CLNK: variants seen among roughly 807,000 people sequenced by gnomAD.
CLNK encodes the protein cytokine dependent hematopoietic cell linker.
In CLNK, 74 loss-of-function variants were observed where a neutral mutation model predicts 68.6. The observed-to-expected ratio is 1.08, with a 90% CI of 0.89 to 1.31. The LOEUF is 1.31. Ranked by LOEUF, CLNK falls within the 50% of genes most tolerant of loss-of-function variation. CLNK has a pLI of 0.00. For missense variants in CLNK, 553 were observed against 515.3 expected, an observed-to-expected ratio of 1.07 and a Z score of -0.71; for synonymous variants, 198 against 172.2, an observed-to-expected ratio of 1.15 and a Z score of -1.17.
chr4:10,536,323 T>A (rs1718759128), intron 11 of CLNK, among the ~76,000 whole-genome samples: 1 of 152,232 alleles, frequency 6.6e-6, no homozygotes, highest in Admixed American at 6.5e-5. Flanking sequence ...TGATTGCCAA[T>A]GTTCCTTCTG....
chr4:10,589,017 C>A (rs1721086423), intron 3 of CLNK, among the ~76,000 whole-genome samples: 1 of 152,134 alleles, frequency 6.6e-6, no homozygotes, highest in East Asian at 1.9e-4. Context: ...TACTGGACAG[C>A]ATAGTGCCTA....
intron 1 of CLNK, among the ~76,000 whole-genome samples, chr4:10,676,267 T>C (rs139885186): frequency 1.1e-4 from 17 of 152,258 alleles, no homozygotes; most frequent in Admixed American, 3.3e-4. Context: ...TATATGCTGA[T>C]TGGATTTCTA....
At chr4:10,512,349 G>C (rs889540880) in intron 16 of CLNK, among the ~76,000 whole-genome samples, 1 of 151,634 alleles carries the variant, frequency 6.6e-6, no homozygotes, top group Non-Finnish European at 1.5e-5. Flanking sequence ...TTCTGCCTCA[G>C]CCTCCCAAGT....
At chr4:10,698,198 G>A in the CLNK span, among the ~76,000 whole-genome samples, 1 of 152,090 alleles carries the variant, frequency 6.6e-6, no homozygotes, top group African/African-American at 2.4e-5. Flanking sequence ...TGAGAGTGGT[G>A]TCATTGGTGG....
chr4:10,662,184 C>T (rs1313901604), intron 2 of CLNK, among the ~76,000 whole-genome samples: 1 of 152,190 alleles, frequency 6.6e-6, no homozygotes, highest in South Asian at 2.1e-4. Context: ...TGCTCTAATA[C>T]TCCTAGAGTA....
At chr4:10,560,283 G>A (rs755420999) in intron 7 of CLNK, among the ~76,000 whole-genome samples, 2 of 152,220 alleles carry the variant, frequency 1.3e-5, no homozygotes, top group Non-Finnish European at 2.9e-5. Flanking sequence ...TAAGCACAGA[G>A]CTTGGTACAC....
At chr4:10,588,626 A>C (rs1721071346) in intron 3 of CLNK, among the ~76,000 whole-genome samples, 1 of 152,168 alleles carries the variant, frequency 6.6e-6, no homozygotes. Flanking sequence ...ATTCATTTTC[A>C]CAATTTTTAG....
intron 2 of CLNK, among the ~76,000 whole-genome samples, chr4:10,662,578 G>A (rs2108889718): frequency 6.6e-6 from 1 of 152,004 alleles, no homozygotes; most frequent in East Asian, 1.9e-4. Flanking sequence ...GTGGAGAAGG[G>A]GTGAGAAACC....
At chr4:10,637,284 C>T (rs1473189867) in intron 2 of CLNK, among the ~76,000 whole-genome samples, 1 of 152,150 alleles carries the variant, frequency 6.6e-6, no homozygotes, top group Non-Finnish European at 1.5e-5. Context: ...TCTCCATCTC[C>T]AGCCTCAGAT....
intron 8 of CLNK, among the ~76,000 whole-genome samples, chr4:10,554,988 T>A (rs1719606455): frequency 6.6e-6 from 1 of 152,232 alleles, no homozygotes; most frequent in Non-Finnish European, 1.5e-5. Context: ...TGTGACTACT[T>A]GCTGATGGCC....
In CLNK at chr4:10,489,248, A is replaced by G. The variant is rs1716464747; in HGVS notation, c.*1219T>C. 6.6e-6 allele frequency: 1 copy of G among 152,234 alleles called. No individual in the cohort carries two copies. Among genetic ancestry groups the G allele is most frequent in the Admixed American group, 6.5e-5 (1 of 15,280 alleles). The allele number at this position is 152,234 out of a possible 1,614,324, so 9.4% of individuals were successfully genotyped here. ...TGTTTCCTCATCTTTATTGTAAAAC[A>G]ATAATAAAATTAAATCCTCTTAACC... On this transcript the variant is annotated 3_prime_UTR_variant, in exon 19 of 19. Coordinates refer to ENST00000226951, the MANE Select transcript of CLNK (RefSeq NM_052964.4).
intron 5 of CLNK, 84 bp from the exon 6 acceptor site, chr4:10,566,234 G>A: frequency 7.5e-7 from 1 of 1,332,636 alleles, no homozygotes; most frequent in East Asian, 2.3e-5. Context: ...AGAGAAATGG[G>A]GTAGACCTTC....
intron 4 of CLNK, among the ~76,000 whole-genome samples, chr4:10,572,763 A>C (rs1284369452): frequency 6.6e-6 from 1 of 152,174 alleles, no homozygotes; most frequent in African/African-American, 2.4e-5. Context: ...GAGGACCACG[A>C]TGTGATAAGC....
intron 2 of CLNK, among the ~76,000 whole-genome samples, chr4:10,599,980 G>A (rs1577157914): frequency 6.6e-6 from 1 of 152,272 alleles, no homozygotes; most frequent in South Asian, 2.1e-4. Context: ...ACCTCCTTGA[G>A]AATCCTCATC....
chr4:10,561,950 A>T (rs1389114266), intron 7 of CLNK, among the ~76,000 whole-genome samples: 1 of 152,192 alleles, frequency 6.6e-6, no homozygotes, highest in Non-Finnish European at 1.5e-5. Context: ...AGAACCTCTT[A>T]CAAAGGCACC....
At chr4:10,645,785 AG>A (rs1461655076) in intron 2 of CLNK, among the ~76,000 whole-genome samples, 1 of 152,212 alleles carries the variant, frequency 6.6e-6, no homozygotes, top group Non-Finnish European at 1.5e-5. Flanking sequence ...TAGGGAAATT[AG>A]AGTTAACAAT....
chr4:10,494,174 A>G (rs1243517743), intron 18 of CLNK, among the ~76,000 whole-genome samples: 1 of 152,242 alleles, frequency 6.6e-6, no homozygotes, highest in East Asian at 1.9e-4. Context: ...TGCTAAAACA[A>G]AAAGTGAATA....
chr4:10,597,088 C>T (rs1243464626), intron 3 of CLNK, among the ~76,000 whole-genome samples: 1 of 152,230 alleles, frequency 6.6e-6, no homozygotes, highest in South Asian at 2.1e-4. Context: ...ATTCACTCTG[C>T]TTAGGATAAT....
the CLNK span, among the ~76,000 whole-genome samples, chr4:10,732,833 C>A: frequency 1.3e-5 from 2 of 152,116 alleles, no homozygotes; most frequent in Non-Finnish European, 2.9e-5. Flanking sequence ...TTTAAAACAT[C>A]ACTTCCTTGA....
Sources: gnomAD v4.1 joint callset for allele counts (sites outside exome capture counted in the v4.1 genomes callset) on GRCh38, gnomAD v4.1.1 for gene constraint, MANE v1.5 for transcripts, NCBI Gene and HGNC (gene_info 2026-07-23, HGNC 2026-07-21) for gene names.